ATRNL1: variants seen among roughly 807,000 people sequenced by gnomAD.
ATRNL1 encodes attractin-like protein 1.
In ATRNL1, 95 loss-of-function variants were observed where a neutral mutation model predicts 182.7. The ratio of observed to expected loss-of-function variants is 0.52; its 90% CI spans 0.44 to 0.62. ATRNL1 has a LOEUF of 0.62. Among genes scored for constraint, ATRNL1 ranks in the 20% least tolerant of loss-of-function variants. The pLI is 0.00. For synonymous variants in ATRNL1, 576 were observed against 568.3 expected (o/e 1.01, Z -0.19); for missense variants, 1,471 against 1,679.5 (o/e 0.88, Z 2.17).
chr10:115,597,308 A>G (rs1450112055), intron 26 of ATRNL1, among the ~76,000 whole-genome samples: 2 of 152,164 alleles, frequency 1.3e-5, no homozygotes, highest in Non-Finnish European at 2.9e-5. Flanking sequence ...TTTATTCATA[A>G]TTACACAAAA....
chr10:115,865,550 T>A (rs1006734151), intron 28 of ATRNL1, among the ~76,000 whole-genome samples: 4 of 152,216 alleles, frequency 2.6e-5, no homozygotes, highest in African/African-American at 9.6e-5. Context: ...TGTATCTCTA[T>A]TTATTAAGTA....
At chr10:115,383,687 C>G (rs763783732) in intron 19 of ATRNL1, among the ~76,000 whole-genome samples, 19 of 151,742 alleles carry the variant, frequency 1.3e-4, no homozygotes, top group Non-Finnish European at 2.8e-4. Flanking sequence ...TACAAATATT[C>G]AGAAATATAT....
intron 27 of ATRNL1, among the ~76,000 whole-genome samples, chr10:115,744,542 G>A (rs1948234959): frequency 6.6e-6 from 1 of 151,978 alleles, no homozygotes; most frequent in Non-Finnish European, 1.5e-5. Context: ...AGCACCATAG[G>A]ATCTCAGAAT....
intron 8 of ATRNL1, among the ~76,000 whole-genome samples, chr10:115,204,879 C>G (rs1848736775): frequency 6.6e-6 from 1 of 152,034 alleles, no homozygotes; most frequent in African/African-American, 2.4e-5. Context: ...TGGCAGAATT[C>G]ATTAGCGAAG....
rs185307503 is a variant in ATRNL1 at position 115,315,459 on chromosome 10, A to G, written c.2819-59A>G. 5.7e-4 allele frequency: 684 copies of G among 1,199,120 alleles called. 4 individuals carry two copies. The African/African-American group carries it at 9.2e-3, about 16-fold the overall frequency. 74.3% of individuals were successfully genotyped at this position (1,199,120 alleles called of 1,614,324 possible). A position where few individuals can be genotyped will look rare whatever the true frequency, so the allele number is the denominator to read the frequency against. ...GATCATATTTATTTTTTATTAGCCT[A>G]TAATTCTGTTTGAATATATAGTCAT... On this transcript the variant is annotated intron_variant, in intron 17 of 28. Transcript: ENST00000355044.
chr10:115,739,950 T>C (rs1166638949), intron 27 of ATRNL1, among the ~76,000 whole-genome samples: 1 of 152,216 alleles, frequency 6.6e-6, no homozygotes, highest in Non-Finnish European at 1.5e-5. Flanking sequence ...CAGTAGGAGA[T>C]AATCTCATCA....
chr10:115,411,955 G>A (rs1054378641), intron 20 of ATRNL1, among the ~76,000 whole-genome samples: 1 of 152,000 alleles, frequency 6.6e-6, no homozygotes, highest in Non-Finnish European at 1.5e-5. Context: ...ATGACTTCTG[G>A]TATTCATACC....
intron 10 of ATRNL1, among the ~76,000 whole-genome samples, chr10:115,257,671 G>C (rs1305671099): frequency 6.6e-6 from 1 of 152,168 alleles, no homozygotes; most frequent in Non-Finnish European, 1.5e-5. Context: ...TGGTTATTTT[G>C]CCTGTTAATT....
At position 115,121,717 on chromosome 10, in the gene ATRNL1, A is replaced by G; in HGVS notation, c.396A>G (p.Arg132=). Residue 132 remains arginine (R), a synonymous_variant, in exon 3 of 29, where the codon AGA becomes AGG. Coordinates refer to ENST00000355044, the MANE Select transcript of ATRNL1 (RefSeq NM_207303.4). ...LIEGYPNAVL[R]LRFNHFATEC... ...TTTTCAGTCCAAATGCAGTGTTAAGATTAAGATTCAATCATTTTGCTACAG... is the reference window on the plus strand; with the variant it reads ...TTTTCAGTCCAAATGCAGTGTTAAGGTTAAGATTCAATCATTTTGCTACAG... 6.5e-7 allele frequency: 1 copy of G among 1,543,572 alleles called. No individual in the cohort carries two copies. Among genetic ancestry groups the G allele is most frequent in the Non-Finnish European group, 8.8e-7 (1 of 1,138,678 alleles).
At chr10:115,311,110 A>T (rs1373685495) in intron 17 of ATRNL1, among the ~76,000 whole-genome samples, 1 of 151,982 alleles carries the variant, frequency 6.6e-6, no homozygotes, top group Non-Finnish European at 1.5e-5. Context: ...ATGTATTTAC[A>T]TAGTTTTGAA....
chr10:115,282,554 T>C (rs183993467), intron 14 of ATRNL1, among the ~76,000 whole-genome samples: 139 of 152,222 alleles, frequency 9.1e-4, no homozygotes, highest in African/African-American at 3.2e-3. Flanking sequence ...TAATTTCATT[T>C]TTTCACAGTT....
intron 20 of ATRNL1, among the ~76,000 whole-genome samples, chr10:115,413,025 C>T (rs186659645): frequency 2.3e-3 from 348 of 152,220 alleles, no homozygotes; most frequent in African/African-American, 7.1e-3. Context: ...TAATCCATAA[C>T]GGATATGCCA....
intron 6 of ATRNL1, among the ~76,000 whole-genome samples, chr10:115,163,727 A>T (rs1346047748): frequency 6.6e-6 from 1 of 152,152 alleles, no homozygotes; most frequent in Non-Finnish European, 1.5e-5. Context: ...ATTGTGGCCC[A>T]CAAAGCCTAA....
chr10:115,687,270 C>T (rs1455440278), intron 26 of ATRNL1, among the ~76,000 whole-genome samples: 3 of 152,064 alleles, frequency 2.0e-5, no homozygotes, highest in Non-Finnish European at 2.9e-5. Context: ...TTCTCCACTT[C>T]CGTCTTCCCC....
intron 27 of ATRNL1, among the ~76,000 whole-genome samples, chr10:115,831,779 C>A (rs868916494): frequency 1.5e-4 from 18 of 121,570 alleles, no homozygotes; most frequent in South Asian, 2.8e-4. Flanking sequence ...TTTTTTTTTT[C>A]AAGTGAGATT....
At chr10:115,526,038 G>T (rs1241791145) in intron 25 of ATRNL1, among the ~76,000 whole-genome samples, 1 of 152,100 alleles carries the variant, frequency 6.6e-6, no homozygotes, top group Non-Finnish European at 1.5e-5. Context: ...TTTGTGAGGG[G>T]GCACCTGTTA....
chr10:115,382,815 T>C (rs1280316387), intron 19 of ATRNL1, among the ~76,000 whole-genome samples: 1 of 151,860 alleles, frequency 6.6e-6, no homozygotes, highest in East Asian at 1.9e-4. Flanking sequence ...AAAGATTCTG[T>C]TTTTTACTGT....
intron 20 of ATRNL1, among the ~76,000 whole-genome samples, chr10:115,414,769 A>G (rs141737130): frequency 6.6e-6 from 1 of 151,968 alleles, no homozygotes; most frequent in East Asian, 1.9e-4. Flanking sequence ...AAGCTGACAT[A>G]TTATTAGATG....
At chr10:115,236,856 A>T (rs1850208019) in intron 9 of ATRNL1, among the ~76,000 whole-genome samples, 1 of 152,190 alleles carries the variant, frequency 6.6e-6, no homozygotes, top group African/African-American at 2.4e-5. Flanking sequence ...ATCATTTCAT[A>T]CAGAATATTT....
Sources: allele counts gnomAD v4.1 joint callset (sites outside exome capture counted in the v4.1 genomes callset), GRCh38; gene constraint gnomAD v4.1.1; transcripts MANE v1.5; gene names NCBI Gene and HGNC (gene_info 2026-07-23, HGNC 2026-07-21).